Variants in TCF12 observed in about 807,000 individuals in gnomAD.
The protein encoded by TCF12 is DNA-binding protein HTF4.
TCF12 carries 45 observed loss-of-function variants against 86.0 expected under a neutral mutation model. That is an observed-to-expected ratio of 0.52 (90% CI 0.41 to 0.67). The LOEUF is 0.67. Ranked by LOEUF, TCF12 falls within the 30% of genes least tolerant of loss-of-function variation. The probability of loss-of-function intolerance (pLI) is 0.00; values close to 1 mark genes in which losing one functional copy is unlikely to be tolerated. For synonymous variants in TCF12, 330 were observed against 299.6 expected, an observed-to-expected ratio of 1.10 and a Z score of -1.05; for missense variants, 881 against 859.9, an observed-to-expected ratio of 1.02 and a Z score of -0.31.
At chr15:57,223,454 A>G (rs1265326330) in intron 8 of TCF12, among the ~76,000 whole-genome samples, 2 of 152,024 alleles carry the variant, frequency 1.3e-5, no homozygotes, top group African/African-American at 4.8e-5. Flanking sequence ...AATCTTTTGC[A>G]TGTGTGGTCA....
chr15:57,095,034 T>G (rs2049230174), intron 5 of TCF12, among the ~76,000 whole-genome samples: 1 of 152,232 alleles, frequency 6.6e-6, no homozygotes. Context: ...TATTTTGAAG[T>G]GTTTTATGCT....
intron 3 of TCF12, among the ~76,000 whole-genome samples, chr15:56,972,229 A>G (rs2062374050): frequency 6.6e-6 from 1 of 152,214 alleles, no homozygotes. Flanking sequence ...TTTGGAAGGA[A>G]CTTCGGCAGC....
chr15:57,220,806 C>T (rs2058555745), intron 8 of TCF12, among the ~76,000 whole-genome samples: 1 of 151,896 alleles, frequency 6.6e-6, no homozygotes, highest in African/African-American at 2.4e-5. Flanking sequence ...TGGTTTATGT[C>T]AGAAACTCAG....
At chr15:56,941,904 GCTT>G (rs2060797567) in intron 3 of TCF12, among the ~76,000 whole-genome samples, 1 of 152,058 alleles carries the variant, frequency 6.6e-6, no homozygotes, top group Non-Finnish European at 1.5e-5. Flanking sequence ...TTCATTGTAA[GCTT>G]CTCATTAACT....
intron 3 of TCF12, among the ~76,000 whole-genome samples, chr15:56,981,670 T>C (rs1338449068): frequency 1.3e-5 from 2 of 152,172 alleles, no homozygotes; most frequent in African/African-American, 2.4e-5. Flanking sequence ...AACTTTTGAC[T>C]CCTCCAAAAC....
At chr15:56,932,973 A>G (rs751974367) in intron 3 of TCF12, among the ~76,000 whole-genome samples, 23 of 152,226 alleles carry the variant, frequency 1.5e-4, no homozygotes, top group Non-Finnish European at 2.8e-4. Flanking sequence ...ATAGCTTTAT[A>G]AAAGTGTAAT....
chr15:57,191,851 T>C (rs1391778823), intron 6 of TCF12, among the ~76,000 whole-genome samples: 1 of 151,806 alleles, frequency 6.6e-6, no homozygotes, highest in East Asian at 1.9e-4. Flanking sequence ...TGAGAATCGC[T>C]TGAACACGGG....
chr15:57,147,145 A>C (rs1294997539), intron 5 of TCF12, among the ~76,000 whole-genome samples: 1 of 152,212 alleles, frequency 6.6e-6, no homozygotes, highest in Non-Finnish European at 1.5e-5. Flanking sequence ...ATATTGGCTG[A>C]ATATAATCCA....
intron 3 of TCF12, among the ~76,000 whole-genome samples, chr15:56,959,517 G>C (rs1210204352): frequency 1.3e-5 from 2 of 152,192 alleles, no homozygotes; most frequent in Non-Finnish European, 2.9e-5. Flanking sequence ...CTGTTGAGGT[G>C]CTAGGAATGT....
intron 10 of TCF12, 115 bp from the exon 11 acceptor site, chr15:57,232,597 G>T: frequency 1.4e-6 from 2 of 1,435,392 alleles, no homozygotes; most frequent in Non-Finnish European, 1.9e-6. Context: ...ACAATAAGTA[G>T]TGCTCTTTAG....
At chr15:56,960,251 T>C (rs1441403869) in intron 3 of TCF12, among the ~76,000 whole-genome samples, 1 of 152,192 alleles carries the variant, frequency 6.6e-6, no homozygotes, top group Non-Finnish European at 1.5e-5. Context: ...CATTAATACC[T>C]TATGGAATTT....
intron 3 of TCF12, among the ~76,000 whole-genome samples, chr15:57,004,992 G>A (rs1266197978): frequency 1.3e-5 from 2 of 152,140 alleles, no homozygotes; most frequent in Admixed American, 6.5e-5. Context: ...TTCATTGAAA[G>A]CATTTTATGT....
intron 7 of TCF12, among the ~76,000 whole-genome samples, chr15:57,196,806 C>T (rs1398268542): frequency 6.6e-6 from 1 of 152,078 alleles, no homozygotes; most frequent in African/African-American, 2.4e-5. Flanking sequence ...GTAATTAATG[C>T]TGTAGTTGTG....
intron 5 of TCF12, among the ~76,000 whole-genome samples, chr15:57,127,099 T>C (rs1416004220): frequency 6.6e-6 from 1 of 151,676 alleles, no homozygotes; most frequent in Non-Finnish European, 1.5e-5. Flanking sequence ...TCTCCTCCCT[T>C]AGCCTCCTGA....
At chr15:56,958,678 A>AGT (rs55707134) in intron 3 of TCF12, among the ~76,000 whole-genome samples, 2,430 of 142,180 alleles carry the variant, frequency 0.017, 41 homozygotes, top group East Asian at 0.063. Context: ...AGAGAGAGAG[A>AGT]GTGTGTGTGT....
rs1444529366 is a variant in TCF12, at chr15:56,939,967, G to GGTT, written c.148+18869_148+18870insGTT. Among the ~76,000 whole-genome samples the GGTT allele has an allele frequency of 3.2e-3, 339 of 104,730 alleles. 2 individuals carry two copies. Among genetic ancestry groups the GGTT allele is most frequent in the African/African-American group, 0.014 (321 of 22,956 alleles). 68.7% of individuals were successfully genotyped at this position (104,730 alleles called of 152,430 possible). ...AAAAGAAGTGATACTTTAATAGCGTGTTTTTTTTTTTTTTTTTTTTTTTTG... is the reference window on the plus strand; with the variant it reads ...AAAAGAAGTGATACTTTAATAGCGTGGTTTTTTTTTTTTTTTTTTTTTTTTTTG... On this transcript the variant is annotated intron_variant, in intron 3 of 20. Coordinates refer to ENST00000333725, the MANE Select transcript of TCF12 (RefSeq NM_207037.2).
At chr15:57,150,008 T>C (rs1294267934) in intron 5 of TCF12, among the ~76,000 whole-genome samples, 8 of 152,292 alleles carry the variant, frequency 5.3e-5, no homozygotes, top group Admixed American at 6.5e-5. Flanking sequence ...AGGCACTCCA[T>C]GAGAGCAGGA....
At chr15:56,986,259 C>G (rs149094823) in intron 3 of TCF12, among the ~76,000 whole-genome samples, 1 of 152,070 alleles carries the variant, frequency 6.6e-6, no homozygotes, top group African/African-American at 2.4e-5. Flanking sequence ...TTGCTGCTTA[C>G]GTTTCTGGTT....
chr15:57,149,865 A>G (rs1249871004), intron 5 of TCF12, among the ~76,000 whole-genome samples: 1 of 152,188 alleles, frequency 6.6e-6, no homozygotes, highest in Non-Finnish European at 1.5e-5. Context: ...TTTGCTAGAG[A>G]AAGACTAGGA....
Sources: gnomAD v4.1 joint callset for allele counts (sites outside exome capture counted in the v4.1 genomes callset) on GRCh38, gnomAD v4.1.1 for gene constraint, MANE v1.5 for transcripts, NCBI Gene and HGNC (gene_info 2026-07-23, HGNC 2026-07-21) for gene names.